Variants in C10orf90 observed in about 807,000 individuals in gnomAD.
C10orf90 encodes the protein chromosome 10 open reading frame 90.
C10orf90 carries 56 observed loss-of-function variants against 62.5 expected under a neutral mutation model. The ratio of observed to expected loss-of-function variants is 0.90; its 90% confidence interval spans 0.72 to 1.12. The LOEUF (loss-of-function observed/expected upper bound fraction) is 1.12, where lower values mean the gene tolerates loss of function less well. Among genes scored for constraint, C10orf90 ranks in the 50% most tolerant of loss-of-function variants. The pLI, the probability that C10orf90 is intolerant of heterozygous loss-of-function variation, is 0.00. For synonymous variants in C10orf90, 386 were observed against 340.4 expected, an observed-to-expected ratio of 1.13 and a Z score of -1.47; for missense variants, 970 against 880.4, an observed-to-expected ratio of 1.10 and a Z score of -1.29.
intron 2 of C10orf90, among the ~76,000 whole-genome samples, chr10:126,577,301 A>G (rs72839037): frequency 0.014 from 2,179 of 152,128 alleles, 25 homozygotes; most frequent in Non-Finnish European, 0.022. Flanking sequence ...AAAATTAACA[A>G]GAAAAATTTA....
chr10:126,638,392 C>T (rs1471020665), intron 2 of C10orf90, among the ~76,000 whole-genome samples: 4 of 152,142 alleles, frequency 2.6e-5, no homozygotes, highest in African/African-American at 9.7e-5. Flanking sequence ...TGCTGCACCC[C>T]TGACACTGCC....
chr10:126,540,289 T>C (rs1181920802), intron 2 of C10orf90, among the ~76,000 whole-genome samples: 1 of 152,236 alleles, frequency 6.6e-6, no homozygotes, highest in African/African-American at 2.4e-5. Flanking sequence ...CTGCCCAAGT[T>C]AATTTATGAA....
intron 1 of C10orf90, among the ~76,000 whole-genome samples, chr10:126,663,408 C>T (rs1846557750): frequency 6.6e-6 from 1 of 152,212 alleles, no homozygotes; most frequent in Non-Finnish European, 1.5e-5. Flanking sequence ...AATCCTCCTT[C>T]CGCCGCTCCT....
At chr10:126,489,989 A>T (rs28661595) in intron 4 of C10orf90, among the ~76,000 whole-genome samples, 4 of 110,420 alleles carry the variant, frequency 3.6e-5, no homozygotes, top group Non-Finnish European at 7.0e-5. Context: ...ATATATATAT[A>T]ATATATATTA....
intron 2 of C10orf90, among the ~76,000 whole-genome samples, chr10:126,540,259 T>C (rs188551182): frequency 7.8e-4 from 118 of 152,250 alleles, no homozygotes; most frequent in Non-Finnish European, 1.4e-3. Context: ...GATGAAAAAG[T>C]AAAAACTGTA....
chr10:126,485,345 T>C (rs2133816143), intron 4 of C10orf90, among the ~76,000 whole-genome samples: 2 of 152,318 alleles, frequency 1.3e-5, no homozygotes, highest in South Asian at 2.1e-4. Flanking sequence ...TATGGCACTG[T>C]GTTATAGCAG....
chr10:126,462,195 T>C (rs1283136368), intron 5 of C10orf90, among the ~76,000 whole-genome samples: 2 of 152,136 alleles, frequency 1.3e-5, no homozygotes, highest in African/African-American at 4.8e-5. Context: ...TGGGGATTAA[T>C]GAGTATTCAC....
chr10:126,565,167 A>AT (rs1317794833), intron 2 of C10orf90, among the ~76,000 whole-genome samples: 1 of 70,636 alleles, frequency 1.4e-5, no homozygotes, highest in Non-Finnish European at 2.4e-5. Flanking sequence ...TAATATTTAT[A>AT]TTACATATTA....
chr10:126,452,464 C>G (rs1208863439), intron 7 of C10orf90, among the ~76,000 whole-genome samples: 1 of 152,116 alleles, frequency 6.6e-6, no homozygotes, highest in East Asian at 1.9e-4. Flanking sequence ...AGATTTATAT[C>G]TGTGGTGTCA....
At chr10:126,433,069 G>A (rs1255425818) in intron 7 of C10orf90, among the ~76,000 whole-genome samples, 5 of 152,142 alleles carry the variant, frequency 3.3e-5, no homozygotes, top group Non-Finnish European at 7.3e-5. Context: ...GCCAGGTGGG[G>A]AAAGATGGCA....
chr10:126,506,919 A>AGT (rs61651582), intron 3 of C10orf90, among the ~76,000 whole-genome samples: 27,108 of 149,300 alleles, frequency 0.18, 2,523 homozygotes, highest in Non-Finnish European at 0.22. Flanking sequence ...CAGGAGGGCC[A>AGT]GTGTGTGTGT....
chr10:126,665,821 G>A (rs944509667), intron 1 of C10orf90, among the ~76,000 whole-genome samples: 2 of 152,186 alleles, frequency 1.3e-5, no homozygotes, highest in Non-Finnish European at 1.5e-5. Flanking sequence ...TTAGGAAGAG[G>A]AGAACTGCAA....
intron 1 of C10orf90, among the ~76,000 whole-genome samples, chr10:126,662,944 C>A (rs566719628): frequency 6.6e-6 from 1 of 152,244 alleles, no homozygotes; most frequent in Non-Finnish European, 1.5e-5. Flanking sequence ...GGGATGGGTG[C>A]CTCCTTGATC....
At chr10:126,533,937 T>A (rs567512385) in intron 2 of C10orf90, among the ~76,000 whole-genome samples, 1 of 152,282 alleles carries the variant, frequency 6.6e-6, no homozygotes, top group South Asian at 2.1e-4. Flanking sequence ...TCCAGAGTGT[T>A]TGGGTGGCAC....
chr10:126,500,627 G>A (rs1050404557), intron 4 of C10orf90, among the ~76,000 whole-genome samples: 1 of 152,136 alleles, frequency 6.6e-6, no homozygotes, highest in Non-Finnish European at 1.5e-5. Context: ...ATGCTTACCA[G>A]TAGTAGAGAT....
intron 2 of C10orf90, among the ~76,000 whole-genome samples, chr10:126,521,988 G>T (rs1450455089): frequency 6.6e-6 from 1 of 152,220 alleles, no homozygotes; most frequent in African/African-American, 2.4e-5. Flanking sequence ...AGCACCGGCA[G>T]CCTGGCGTGG....
intron 4 of C10orf90, 47 bp downstream of exon 4, chr10:126,503,910 A>G (rs1356709950): frequency 6.4e-7 from 1 of 1,553,258 alleles, no homozygotes; most frequent in Non-Finnish European, 8.7e-7. Context: ...TCACCTTGCT[A>G]GGACATTTAC....
intron 2 of C10orf90, chr10:126,521,208 T>C (rs777521464): frequency 3.4e-6 from 5 of 1,463,226 alleles, no homozygotes; most frequent in Non-Finnish European, 4.7e-6. Flanking sequence ...CATACAGTAC[T>C]GGGCCCAGAA....
intron 1 of C10orf90, among the ~76,000 whole-genome samples, chr10:126,653,222 G>C (rs1284979589): frequency 1.3e-5 from 2 of 152,192 alleles, no homozygotes; most frequent in African/African-American, 2.4e-5. Flanking sequence ...AATGAAGTTT[G>C]CTGCATCAAT....
Sources: gnomAD v4.1 joint callset for allele counts (sites outside exome capture counted in the v4.1 genomes callset) on GRCh38, gnomAD v4.1.1 for gene constraint, MANE v1.5 for transcripts, NCBI Gene and HGNC (gene_info 2026-07-23, HGNC 2026-07-21) for gene names.